HMCN2: variants seen among roughly 807,000 people sequenced by gnomAD.
The protein encoded by HMCN2 is hemicentin-2.
HMCN2 carries 325 observed loss-of-function variants against 377.5 expected under a neutral mutation model. The ratio of observed to expected loss-of-function variants is 0.86; its 90% CI spans 0.79 to 0.94. The LOEUF is 0.94. Ranked by LOEUF, HMCN2 falls within the 40% of genes least tolerant of loss-of-function variation. The pLI is 0.00. For synonymous variants in HMCN2, 2,007 were observed against 2,046.8 expected (o/e 0.98, Z 0.53); for missense variants, 4,543 against 4,725.3 (o/e 0.96, Z 1.13).
At chr9:130,392,726 G>A (rs575142265) in intron 66 of HMCN2, among the ~76,000 whole-genome samples, 16 of 147,798 alleles carry the variant, frequency 1.1e-4, no homozygotes, top group East Asian at 7.8e-4. Flanking sequence ...GGCCGGGTGC[G>A]GTGGCTCACG....
intron 25 of HMCN2, among the ~76,000 whole-genome samples, chr9:130,343,245 C>T (rs1383808846): frequency 2.0e-5 from 3 of 152,196 alleles, no homozygotes; most frequent in Non-Finnish European, 4.4e-5. Context: ...TGGCTGGGAG[C>T]ACCGCCTCCC....
At chr9:130,432,624 G>A (rs971691764) in intron 97 of HMCN2, 69 bp downstream of exon 97, 5 of 1,486,132 alleles carry the variant, frequency 3.4e-6, no homozygotes, top group Admixed American at 2.0e-5. Flanking sequence ...GGGGGTGCAG[G>A]CTGGCCCTGT....
At chr9:130,350,358 C>A (rs1390240974) in intron 29 of HMCN2, among the ~76,000 whole-genome samples, 2 of 140,116 alleles carry the variant, frequency 1.4e-5, no homozygotes, top group African/African-American at 2.6e-5. Context: ...CACAGCGAGA[C>A]CCTGTCTCTG....
chr9:130,380,062 G>C (rs1841622127), intron 54 of HMCN2, among the ~76,000 whole-genome samples: 1 of 152,070 alleles, frequency 6.6e-6, no homozygotes, highest in Admixed American at 6.5e-5. Flanking sequence ...TTTTAGTACA[G>C]ATGGGGTTTT....
intron 13 of HMCN2, 53 bp from the exon 14 acceptor site, chr9:130,307,400 T>C: frequency 6.4e-6 from 3 of 468,072 alleles, no homozygotes; most frequent in South Asian, 4.7e-5. Flanking sequence ...TGGAAGACTT[T>C]CTTTATGACC....
chr9:130,355,145 T>A, intron 32 of HMCN2, 101 bp downstream of exon 32: 6 of 968,476 alleles, frequency 6.2e-6, no homozygotes, highest in Non-Finnish European at 6.8e-6. Context: ...GGAGGGAGGG[T>A]GGGGAGAAGT....
chr9:130,274,361 G>A lies in HMCN2; in HGVS notation c.259+8224G>A, dbSNP rs115713171. ...GTGAGCCACCGCGCCTGGCCAATGC[G>A]TTAATTTTCAACTATTTTTGCATTT... On this transcript the variant is annotated intron_variant, in intron 1 of 97. Coordinates refer to ENST00000683500, the MANE Select transcript of HMCN2 (RefSeq NM_001291815.2). 3.9e-5 allele frequency among the ~76,000 whole-genome samples: 6 copies of A among 152,204 alleles called. 1 individual carries two copies. The highest frequency in any genetic ancestry group is 2.1e-4 in the South Asian group (1 of 4,800).
chr9:130,286,598 G>A (rs565589151), intron 4 of HMCN2, among the ~76,000 whole-genome samples: 24 of 152,350 alleles, frequency 1.6e-4, no homozygotes, highest in African/African-American at 3.8e-4. Context: ...GAGGCTTGAC[G>A]CAGCCCCTTG....
chr9:130,353,712 C>T (rs1588292867), intron 31 of HMCN2, among the ~76,000 whole-genome samples: 1 of 152,190 alleles, frequency 6.6e-6, no homozygotes, highest in African/African-American at 2.4e-5. Context: ...GGAACCCGGT[C>T]CTTACGCGGG....
chr9:130,274,540 C>A (rs1834574630), intron 1 of HMCN2, among the ~76,000 whole-genome samples: 1 of 152,078 alleles, frequency 6.6e-6, no homozygotes, highest in Non-Finnish European at 1.5e-5. Context: ...TCAAGTTTTA[C>A]CATCAGGGTT....
chr9:130,368,540 T>C (rs1244927518), intron 44 of HMCN2, 103 bp downstream of exon 44: 17 of 616,962 alleles, frequency 2.8e-5, no homozygotes, highest in Middle Eastern at 1.6e-3. Context: ...TGGTGTGTGG[T>C]GCAGGCTTTC....
intron 34 of HMCN2, 29 bp downstream of exon 34, chr9:130,356,286 G>A (rs1188473430): frequency 2.4e-6 from 3 of 1,274,960 alleles, no homozygotes; most frequent in Non-Finnish European, 3.1e-6. Context: ...TTCTGGAGCT[G>A]TGGGCAGCCT....
chr9:130,399,431 G>A (rs1052355023), intron 75 of HMCN2, 80 bp from the exon 76 acceptor site: 38 of 1,176,672 alleles, frequency 3.2e-5, no homozygotes, highest in Non-Finnish European at 3.9e-5. Flanking sequence ...GGAAATGGGC[G>A]TGAGACCCCC....
At position 130,433,793 on chromosome 9, in the gene HMCN2, C is replaced by A; in HGVS notation, c.*100C>A. ...CCTGCTGTGGCAAGCGGAGCGTCAT[C>A]GTCTCCCGCCCCGTGCGTCAGCGAG... On this transcript the variant is annotated 3_prime_UTR_variant, in exon 98 of 98. Coordinates refer to ENST00000683500, the MANE Select transcript of HMCN2 (RefSeq NM_001291815.2). 1 of 986,100 alleles carries A rather than the reference C, an allele frequency of 1.0e-6. No homozygotes were observed. The highest frequency in any genetic ancestry group is 1.4e-6 in the Non-Finnish European group (1 of 710,532). 61.1% of individuals were successfully genotyped at this position (986,100 alleles called of 1,614,324 possible).
At chr9:130,420,366 G>A (rs1278249344) in intron 86 of HMCN2, among the ~76,000 whole-genome samples, 8 of 151,802 alleles carry the variant, frequency 5.3e-5, no homozygotes, top group East Asian at 1.9e-4. Context: ...GAGCCACCGC[G>A]CCCGGCCCGT....
intron 19 of HMCN2, among the ~76,000 whole-genome samples, chr9:130,322,997 C>T (rs1348634785): frequency 7.9e-5 from 12 of 152,166 alleles, no homozygotes; most frequent in Non-Finnish European, 1.6e-4. Context: ...GTTGAGCGCT[C>T]AGGTGCAATT....
At chr9:130,362,783 C>T (rs890050848) in intron 39 of HMCN2, 84 bp from the exon 40 acceptor site, 29 of 968,826 alleles carry the variant, frequency 3.0e-5, no homozygotes, top group Non-Finnish European at 3.6e-5. Context: ...GCAGCAAGGC[C>T]GGCTTGGGCA....
chr9:130,376,519 C>T lies in HMCN2; in HGVS notation c.7922C>T (p.Pro2641Leu). ...TCAGACCCCTCGTGCTTTTCAGTCC[C>T]CCCTTCCATCTCCAAAGACGACCCC... is the stretch of plus-strand genomic sequence containing the variant. The part of the protein sequence containing the change: ...VKNYHVEVLI[P>L]PSISKDDPLA... The change falls in exon 52 of 98, where the codon CCC becomes CTC. Residue 2641 changes from proline to leucine, a missense_variant. Pro to Leu is a moderately conservative substitution (Grantham distance 98, BLOSUM62 -3). Coordinates refer to ENST00000683500, the MANE Select transcript of HMCN2 (RefSeq NM_001291815.2). 1.0e-6 allele frequency: 1 copy of T among 985,880 alleles called. No individual in the cohort carries two copies. 61.1% of individuals were successfully genotyped at this position (985,880 alleles called of 1,614,324 possible).
intron 1 of HMCN2, among the ~76,000 whole-genome samples, chr9:130,268,472 C>T (rs10819628): frequency 0.45 from 67,639 of 148,682 alleles, 19,036 homozygotes; most frequent in East Asian, 0.91. Context: ...GTTCATTCCA[C>T]GGGGCTGGTA....
Sources: allele counts gnomAD v4.1 joint callset (sites outside exome capture counted in the v4.1 genomes callset), GRCh38; gene constraint gnomAD v4.1.1; transcripts MANE v1.5; gene names NCBI Gene and HGNC (gene_info 2026-07-23, HGNC 2026-07-21).